ZMYM1: variants seen among roughly 807,000 people sequenced by gnomAD.
ZMYM1 encodes zinc finger MYM-type protein 1.
ZMYM1 carries 39 observed loss-of-function variants against 60.0 expected under a neutral mutation model. That is an observed-to-expected ratio of 0.65 (90% CI 0.50 to 0.85). ZMYM1 has a LOEUF of 0.85. Among genes scored for constraint, ZMYM1 ranks in the 40% least tolerant of loss-of-function variants. The pLI is 0.00. For missense variants in ZMYM1, 1,171 were observed against 1,309.5 expected (o/e 0.89, Z 1.63); for synonymous variants, 413 against 454.0 (o/e 0.91, Z 1.15).
rs1644233204 is a variant in ZMYM1, at chr1:35,115,340, G to A, written c.*81G>A. ...TTTCAAAATTGTTCAAAATTCAAAAGACACAGAACGATAAACAGTGAAGTC... is the reference window on the plus strand; with the variant it reads ...TTTCAAAATTGTTCAAAATTCAAAAAACACAGAACGATAAACAGTGAAGTC... On this transcript the variant is annotated 3_prime_UTR_variant, in exon 10 of 10. Transcript: ENST00000359858. 2.1e-6 allele frequency: 3 copies of A among 1,428,052 alleles called. No homozygotes were observed. The allele number at this position is 1,428,052 out of a possible 1,614,324, so 88.5% of individuals were successfully genotyped here.
chr1:35,088,444 ATATATATATATGTG>A (rs1242196342), intron 1 of ZMYM1, among the ~76,000 whole-genome samples: 30 of 113,830 alleles, frequency 2.6e-4, no homozygotes, highest in African/African-American at 1.1e-3. Context: ...GTATATATAT[ATATATATATATGTG>A]TGTGTGTGTG....
Position 35,113,779 on chromosome 1 carries a change from C to T in ZMYM1, c.1949C>T (p.Thr650Ile), listed in dbSNP as rs765061690. Residue 650 changes from threonine (T) to isoleucine (I), a missense_variant, in exon 10 of 10, where the codon ACA becomes ATA. Coordinates refer to ENST00000359858, the MANE Select transcript of ZMYM1 (RefSeq NM_024772.5). ...SSAFSIICDE[T>I]INSAMKEQLS... ...GCATTTTCAATCATATGTGATGAGA[C>T]AATCAATAGTGCCATGAAAGAACAG... is the stretch of plus-strand genomic sequence containing the variant. The T allele has an allele frequency of 7.4e-6, 12 of 1,613,708 alleles. No individual in the cohort carries two copies. The Admixed American group carries it at 1.7e-4, about 22-fold the overall frequency.
At chr1:35,076,205 T>A (rs1430882022), upstream of ZMYM1, among the ~76,000 whole-genome samples, 1 of 152,204 alleles carries the variant, frequency 6.6e-6, no homozygotes, top group Admixed American at 6.5e-5. Flanking sequence ...ACGCTCTATT[T>A]GCCAGAAAAC....
At chr1:35,090,988 T>A (rs1366029673) in intron 1 of ZMYM1, among the ~76,000 whole-genome samples, 2 of 152,020 alleles carry the variant, frequency 1.3e-5, no homozygotes, top group African/African-American at 4.8e-5. Flanking sequence ...TTGATCTAAT[T>A]TCATAATTAG....
intron 1 of ZMYM1, among the ~76,000 whole-genome samples, chr1:35,064,818 G>A (rs1205110293): frequency 6.6e-6 from 1 of 150,618 alleles, no homozygotes; most frequent in East Asian, 2.0e-4. Context: ...TCTCCGAGTA[G>A]CTGGGACTAC....
downstream of ZMYM1, among the ~76,000 whole-genome samples, chr1:35,116,916 T>C (rs1644255576): frequency 8.0e-6 from 1 of 125,178 alleles, no homozygotes; most frequent in African/African-American, 3.0e-5. Context: ...CGATCTCCGC[T>C]CACTGCAAGC....
chr1:35,106,586 G>A (rs1033537569), intron 6 of ZMYM1, among the ~76,000 whole-genome samples: 8 of 142,682 alleles, frequency 5.6e-5, no homozygotes, highest in African/African-American at 2.2e-4. Flanking sequence ...TCCAGCCTAG[G>A]CGACAGAGTG....
At position 35,114,429 on chromosome 1, in the gene ZMYM1, C is replaced by A. The variant is rs1460490238; in HGVS notation, c.2599C>A (p.Arg867=). The change falls in exon 10 of 10, where the codon CGA becomes AGA. Residue 867 remains arginine (R), a synonymous_variant. Transcript: ENST00000359858. ...EFVFCLKFLY[R]VLSVTGILSK... ...TGTCTTTTGTTTGAAATTCCTGTAT[C>A]GAGTGCTGAGTGTTACAGGAATTCT... 3 of 1,613,420 alleles carry A rather than the reference C, an allele frequency of 1.9e-6. No homozygotes were observed. Among genetic ancestry groups the A allele is most frequent in the Non-Finnish European group, 1.7e-6 (2 of 1,179,700 alleles).
chr1:35,093,008 A>G (rs1643115873), intron 1 of ZMYM1, among the ~76,000 whole-genome samples: 1 of 152,190 alleles, frequency 6.6e-6, no homozygotes, highest in South Asian at 2.1e-4. Context: ...TTTGTGGAAC[A>G]CAAACATTTT....
chr1:35,079,522 C>G (rs893536811), intron 1 of ZMYM1, 80 bp downstream of exon 1: 2 of 152,294 alleles, frequency 1.3e-5, no homozygotes, highest in Non-Finnish European at 1.5e-5. Flanking sequence ...TGCTGTCGGT[C>G]GGAGGGAGGA....
rs753656595 is a variant in ZMYM1 at position 35,115,170 on chromosome 1, G to C, written c.3340G>C (p.Val1114Leu). ...EKLTGPALMA[V>L]EQELVNKLME... ...GCTTACTGGCCCAGCCCTAATGGCTGTTGAGCAGGAGTTGGTAAATAAACT... is the reference window on the plus strand; with the variant it reads ...GCTTACTGGCCCAGCCCTAATGGCTCTTGAGCAGGAGTTGGTAAATAAACT... Residue 1114 changes from valine (V) to leucine (L), a missense_variant, in exon 10 of 10, where the codon GTT becomes CTT. Coordinates refer to ENST00000359858, the MANE Select transcript of ZMYM1 (RefSeq NM_024772.5). 6.2e-7 allele frequency: 1 copy of C among 1,613,914 alleles called. No individual in the cohort carries two copies. Among genetic ancestry groups the C allele is most frequent in the South Asian group, 1.1e-5 (1 of 91,024 alleles).
At chr1:35,092,146 G>A (rs528331613) in intron 1 of ZMYM1, among the ~76,000 whole-genome samples, 51 of 152,116 alleles carry the variant, frequency 3.4e-4, no homozygotes, top group African/African-American at 1.1e-3. Flanking sequence ...GGCTGGTCTC[G>A]AACTCCTCAC....
rs1338846332 is a variant in ZMYM1, at chr1:35,114,126, A to G, written c.2296A>G (p.Ser766Gly). ...RFCKEVKELR[S>G]ALKTLSSLFN... ...TTGTAAAGAAGTAAAAGAACTCCGAAGTGCTCTAAAAACTCTCAGTTCTTT... is the reference window on the plus strand; with the variant it reads ...TTGTAAAGAAGTAAAAGAACTCCGAGGTGCTCTAAAAACTCTCAGTTCTTT... The change falls in exon 10 of 10, where the codon AGT becomes GGT. Residue 766 changes from serine to glycine, a missense_variant. Ser to Gly is a moderately conservative substitution (Grantham distance 56). Coordinates refer to ENST00000359858, the MANE Select transcript of ZMYM1 (RefSeq NM_024772.5). 8.7e-6 allele frequency: 14 copies of G among 1,611,912 alleles called. No individual in the cohort carries two copies. The East Asian group carries it at 3.1e-4, about 36-fold the overall frequency.
Position 35,115,486 on chromosome 1 carries a change from C to T in ZMYM1, c.*227C>T. ...CGGTGTATACTGTTCTTCAGCTTGTCTTCTCTGTGTAACATATTTTTGAGA... is the reference window on the plus strand; with the variant it reads ...CGGTGTATACTGTTCTTCAGCTTGTTTTCTCTGTGTAACATATTTTTGAGA... On this transcript the variant is annotated 3_prime_UTR_variant, in exon 10 of 10. Transcript: ENST00000359858. 1 of 304,256 alleles carries T rather than the reference C, an allele frequency of 3.3e-6. No homozygotes were observed. The highest frequency in any genetic ancestry group is 5.9e-6 in the Non-Finnish European group (1 of 168,620). 18.8% of individuals were successfully genotyped at this position (304,256 alleles called of 1,614,324 possible).
intron 4 of ZMYM1, among the ~76,000 whole-genome samples, chr1:35,101,343 C>G (rs1232682801): frequency 6.6e-6 from 1 of 150,980 alleles, no homozygotes; most frequent in Non-Finnish European, 1.5e-5. Context: ...CTCCTGACCT[C>G]AGGTATCTGC....
intron 4 of ZMYM1, among the ~76,000 whole-genome samples, chr1:35,102,279 C>G (rs1379785079): frequency 1.3e-5 from 2 of 152,024 alleles, no homozygotes; most frequent in African/African-American, 4.8e-5. Context: ...ACTTTTTGTA[C>G]CATGTGGATC....
At chr1:35,091,348 T>G (rs1311568191) in intron 1 of ZMYM1, among the ~76,000 whole-genome samples, 1 of 151,894 alleles carries the variant, frequency 6.6e-6, no homozygotes, top group African/African-American at 2.4e-5. Context: ...AGTAGCTGGG[T>G]CTACAGGTGC....
chr1:35,098,247 A>G (rs995307149), intron 4 of ZMYM1, among the ~76,000 whole-genome samples: 14 of 152,164 alleles, frequency 9.2e-5, no homozygotes, highest in African/African-American at 3.4e-4. Flanking sequence ...ATAATGGTAA[A>G]TGAAGTGATT....
intron 1 of ZMYM1, among the ~76,000 whole-genome samples, chr1:35,081,641 G>A (rs1369581857): frequency 6.6e-6 from 1 of 152,156 alleles, no homozygotes; most frequent in Non-Finnish European, 1.5e-5. Flanking sequence ...TTATGATGCT[G>A]CAGAAAATGG....
Sources: allele counts gnomAD v4.1 joint callset (sites outside exome capture counted in the v4.1 genomes callset), GRCh38; gene constraint gnomAD v4.1.1; transcripts MANE v1.5; gene names NCBI Gene and HGNC (gene_info 2026-07-23, HGNC 2026-07-21).